The following PAG1 variants were observed in gnomAD, a reference collection of about 807,000 sequenced individuals.
PAG1 encodes the protein phosphoprotein membrane anchor with glycosphingolipid microdomains 1.
A neutral mutation model predicts 31.7 loss-of-function variants in PAG1; 23 were observed. The observed-to-expected ratio is 0.73, with a 90% CI of 0.52 to 1.03. The LOEUF (loss-of-function observed/expected upper bound fraction) is 1.03, where lower values mean the gene tolerates loss of function less well. Ranked by LOEUF, PAG1 falls within the 50% of genes least tolerant of loss-of-function variation. The pLI, the probability that PAG1 is intolerant of heterozygous loss-of-function variation, is 0.00. For synonymous variants in PAG1, 214 were observed against 210.3 expected (o/e 1.02, Z -0.15); for missense variants, 473 against 540.7 (o/e 0.87, Z 1.24).
intron 2 of PAG1, among the ~76,000 whole-genome samples, chr8:81,065,396 G>A (rs1282048210): frequency 1.3e-5 from 2 of 151,964 alleles, no homozygotes; most frequent in Non-Finnish European, 2.9e-5. Flanking sequence ...GAAGTCTATG[G>A]AAATCAAGAA....
intron 3 of PAG1, among the ~76,000 whole-genome samples, chr8:81,006,744 G>A (rs569770431): frequency 6.6e-6 from 1 of 152,260 alleles, no homozygotes; most frequent in African/African-American, 2.4e-5. Context: ...AAGTCTTGGA[G>A]TATAATGTGA....
intron 3 of PAG1, among the ~76,000 whole-genome samples, chr8:81,011,958 C>A (rs555106094): frequency 6.6e-6 from 1 of 152,148 alleles, no homozygotes; most frequent in Non-Finnish European, 1.5e-5. Context: ...TACTTCCAAT[C>A]GTCTGTTGAG....
At chr8:81,053,283 G>C (rs899069476) in intron 2 of PAG1, among the ~76,000 whole-genome samples, 1 of 152,206 alleles carries the variant, frequency 6.6e-6, no homozygotes, top group Admixed American at 6.5e-5. Flanking sequence ...GAATAACTTT[G>C]AAGTGACAAC....
intron 2 of PAG1, among the ~76,000 whole-genome samples, chr8:81,054,697 T>C (rs1808786726): frequency 6.6e-6 from 1 of 151,892 alleles, no homozygotes; most frequent in Admixed American, 6.6e-5. Context: ...AAAAAGAGTA[T>C]ATTAATATTC....
intron 7 of PAG1, among the ~76,000 whole-genome samples, chr8:80,981,259 C>T (rs959148393): frequency 6.6e-6 from 1 of 151,982 alleles, no homozygotes; most frequent in African/African-American, 2.4e-5. Context: ...CCTTCTGTAA[C>T]CCAGTTCCAA....
At chr8:81,094,631 T>C (rs939904735) in intron 1 of PAG1, among the ~76,000 whole-genome samples, 2 of 152,118 alleles carry the variant, frequency 1.3e-5, no homozygotes, top group Non-Finnish European at 2.9e-5. Context: ...ATATATATAT[T>C]TTCCCCTAGA....
chr8:80,999,655 C>T (rs1807749297), intron 3 of PAG1, among the ~76,000 whole-genome samples: 3 of 152,208 alleles, frequency 2.0e-5, no homozygotes, highest in South Asian at 4.1e-4. Flanking sequence ...TCGATCTGCA[C>T]AGAAAACAGG....
At chr8:81,017,548 G>A (rs1808092527) in intron 3 of PAG1, among the ~76,000 whole-genome samples, 1 of 152,206 alleles carries the variant, frequency 6.6e-6, no homozygotes, top group Admixed American at 6.5e-5. Flanking sequence ...GTATTTGTAG[G>A]ATGGAGACTT....
intron 2 of PAG1, among the ~76,000 whole-genome samples, chr8:81,051,692 G>C (rs1248360245): frequency 6.6e-6 from 1 of 152,080 alleles, no homozygotes. Context: ...AAACTCTATT[G>C]TACTCTGATG....
chr8:81,014,664 C>T lies in PAG1; in HGVS notation c.-81+15332G>A, dbSNP rs141606731. On this transcript the variant is annotated intron_variant, in intron 3 of 8. Transcript: ENST00000220597. ...ATGGCCACGTAAACATGTCTTTGTACGACCATTATTAAGGAAATAAGGAAG... is the reference window on the plus strand; with the variant it reads ...ATGGCCACGTAAACATGTCTTTGTATGACCATTATTAAGGAAATAAGGAAG... 5.3e-5 allele frequency among the ~76,000 whole-genome samples: 8 copies of T among 152,250 alleles called. No individual in the cohort carries two copies. In the East Asian group the frequency reaches 9.7e-4, roughly 18 times the overall value.
In PAG1 at chr8:81,009,907, G is replaced by A. The variant is rs139215475; in HGVS notation, c.-80-16600C>T. Among the ~76,000 whole-genome samples the A allele has an allele frequency of 1.8e-3, 275 of 152,288 alleles. 1 individual carries two copies. The highest frequency in any genetic ancestry group is 6.2e-3 in the African/African-American group (256 of 41,546). On this transcript the variant is annotated intron_variant, in intron 3 of 8. Transcript: ENST00000220597. ...TGGGATCACAGGTGTGAGCCACTGT[G>A]CCCAGGCCAAACTTTTTACAATACA... is the stretch of plus-strand genomic sequence containing the variant.
chr8:81,017,497 TTACCTCC>T (rs1808091463), intron 3 of PAG1, among the ~76,000 whole-genome samples: 1 of 152,204 alleles, frequency 6.6e-6, no homozygotes. Context: ...AAGCAGGATG[TTACCTCC>T]TAAATCCTTT....
intron 1 of PAG1, among the ~76,000 whole-genome samples, chr8:81,084,022 G>A (rs1019568402): frequency 4.7e-5 from 7 of 150,218 alleles, no homozygotes; most frequent in Non-Finnish European, 7.4e-5. Context: ...GCAACAGAGC[G>A]AGACTCCATC....
intron 1 of PAG1, among the ~76,000 whole-genome samples, chr8:81,080,727 T>G (rs1288758283): frequency 6.6e-6 from 1 of 152,186 alleles, no homozygotes; most frequent in Non-Finnish European, 1.5e-5. Flanking sequence ...ACTGCTAATG[T>G]AAATTTAAAA....
rs935363471 is a variant in PAG1 at position 81,111,577 on chromosome 8, T to C, written c.-234+14A>G. The C allele has an allele frequency of 2.6e-5, 4 of 152,270 alleles. No individual in the cohort carries two copies. Among genetic ancestry groups the C allele is most frequent in the African/African-American group, 9.7e-5 (4 of 41,442 alleles). 9.4% of individuals were successfully genotyped at this position (152,270 alleles called of 1,614,324 possible). Reference sequence around the variant, plus strand: ...CACGGCTCCCTCCAACTTCAGAAACTACAGTCAACTTACTGGGACTCAGGA... The same window carrying C: ...CACGGCTCCCTCCAACTTCAGAAACCACAGTCAACTTACTGGGACTCAGGA... On this transcript the variant is annotated intron_variant, in intron 1 of 8. Transcript: ENST00000220597.
chr8:81,004,893 C>T (rs1186644747), intron 3 of PAG1, among the ~76,000 whole-genome samples: 1 of 152,166 alleles, frequency 6.6e-6, no homozygotes, highest in Non-Finnish European at 1.5e-5. Context: ...TGCACTTGAC[C>T]ACAGCCAGGG....
intron 7 of PAG1, 116 bp from the exon 8 acceptor site, chr8:80,980,610 C>T: frequency 1.5e-6 from 1 of 676,810 alleles, no homozygotes; most frequent in East Asian, 2.6e-5. Context: ...TTTTATGGAA[C>T]CACGAAGAAA....
intron 2 of PAG1, among the ~76,000 whole-genome samples, chr8:81,034,983 C>T (rs917172131): frequency 6.6e-6 from 1 of 152,064 alleles, no homozygotes; most frequent in Non-Finnish European, 1.5e-5. Context: ...CCAAGCACAA[C>T]CTCCAAGGAA....
intron 1 of PAG1, among the ~76,000 whole-genome samples, chr8:81,096,280 C>A (rs978952128): frequency 6.6e-6 from 1 of 151,914 alleles, no homozygotes; most frequent in African/African-American, 2.4e-5. Context: ...ATGGTCCTTG[C>A]GTATGGCCCT....
Sources: gnomAD v4.1 joint callset for allele counts (sites outside exome capture counted in the v4.1 genomes callset) on GRCh38, gnomAD v4.1.1 for gene constraint, MANE v1.5 for transcripts, NCBI Gene and HGNC (gene_info 2026-07-23, HGNC 2026-07-21) for gene names.